The following ADORA2B variants were observed in gnomAD, a reference collection of about 807,000 sequenced individuals.
ADORA2B encodes the protein adenosine A2b receptor, also known as adenosine receptor A2b.
A neutral mutation model predicts 20.8 loss-of-function variants in ADORA2B; 18 were observed. The observed-to-expected ratio is 0.87, with a 90% CI of 0.60 to 1.29. The LOEUF (loss-of-function observed/expected upper bound fraction) is 1.29. Ranked by LOEUF, ADORA2B falls within the 50% of genes most tolerant of loss-of-function variation. The pLI is 0.00. For synonymous variants in ADORA2B, 179 were observed against 178.3 expected, an observed-to-expected ratio of 1.00 and a Z score of -0.03; for missense variants, 441 against 422.7, an observed-to-expected ratio of 1.04 and a Z score of -0.38.
At chr17:15,885,741 G>A in the ADORA2B span, among the ~76,000 whole-genome samples, 4 of 151,626 alleles carry the variant, frequency 2.6e-5, no homozygotes, top group Admixed American at 6.6e-5. Flanking sequence ...AAAAACCTCT[G>A]CAGAAATGTG....
chr17:15,860,139 C>A, the ADORA2B span, among the ~76,000 whole-genome samples: 1 of 152,154 alleles, frequency 6.6e-6, no homozygotes, highest in East Asian at 1.9e-4. Flanking sequence ...CTTGCTCAAT[C>A]GATCACGACC....
chr17:15,878,302 G>A, the ADORA2B span, among the ~76,000 whole-genome samples: 1 of 151,922 alleles, frequency 6.6e-6, no homozygotes, highest in Non-Finnish European at 1.5e-5. Flanking sequence ...CTACCTGATA[G>A]TCCTAGGTAT....
chr17:15,880,241 G>T, the ADORA2B span, among the ~76,000 whole-genome samples: 2 of 135,776 alleles, frequency 1.5e-5, no homozygotes, highest in African/African-American at 2.9e-5. Context: ...TGTGTAAAAA[G>T]CTTTGATTTC....
chr17:15,895,071 T>G, the ADORA2B span, among the ~76,000 whole-genome samples: 1 of 152,260 alleles, frequency 6.6e-6, no homozygotes, highest in Admixed American at 6.5e-5. Context: ...ACAAAATTCC[T>G]CTTCTTGGGC....
At chr17:15,895,808 A>C in the ADORA2B span, among the ~76,000 whole-genome samples, 1 of 152,146 alleles carries the variant, frequency 6.6e-6, no homozygotes, top group African/African-American at 2.4e-5. Flanking sequence ...AAGCAAAGAG[A>C]GGGAGGACTG....
At chr17:15,856,305 A>G in the ADORA2B span, among the ~76,000 whole-genome samples, 3 of 151,464 alleles carry the variant, frequency 2.0e-5, no homozygotes, top group African/African-American at 7.3e-5. Context: ...GAAGGTGCCT[A>G]TTTCCCTTTC....
At chr17:15,863,491 G>A in the ADORA2B span, among the ~76,000 whole-genome samples, 91 of 152,202 alleles carry the variant, frequency 6.0e-4, no homozygotes, top group East Asian at 0.017. Context: ...GACTACAGGT[G>A]TGCGCTACCA....
chr17:15,974,781 TAA>T lies in ADORA2B; in HGVS notation c.440_441del (p.Lys147ArgfsTer17). ...TGACTCCATTCCTGGGGTGGAACAG[TAA>T]AGACAGTGCCACCAACAACTGCACA... ...GLTPFLGWNS[K>X]DSATNNCTEP... On this transcript the variant is annotated frameshift_variant, in exon 2 of 2. Transcript: ENST00000304222. LOFTEE classifies it high-confidence loss of function. 1 of 1,613,794 alleles carries T rather than the reference TAA, an allele frequency of 6.2e-7. No homozygotes were observed. The highest frequency in any genetic ancestry group is 1.1e-5 in the South Asian group (1 of 91,054).
chr17:15,966,870 C>T (rs576628277), intron 1 of ADORA2B, among the ~76,000 whole-genome samples: 113 of 152,352 alleles, frequency 7.4e-4, no homozygotes, highest in Non-Finnish European at 4.4e-4. Flanking sequence ...ACATTTGGGG[C>T]GGTTGTCCTG....
chr17:15,876,574 C>T, the ADORA2B span, among the ~76,000 whole-genome samples: 4 of 151,336 alleles, frequency 2.6e-5, no homozygotes, highest in Non-Finnish European at 5.9e-5. Context: ...TCTGGAACTC[C>T]CTTTACCCTG....
chr17:15,973,839 G>A (rs747338544), intron 1 of ADORA2B: 1 of 152,224 alleles, frequency 6.6e-6, no homozygotes, highest in African/African-American at 2.4e-5. Context: ...TTTGGAAACT[G>A]TGACTTGAAG....
chr17:15,933,216 A>G, the ADORA2B span, among the ~76,000 whole-genome samples: 1 of 152,046 alleles, frequency 6.6e-6, no homozygotes, highest in Non-Finnish European at 1.5e-5. Flanking sequence ...CAGCCTCCCA[A>G]AGTGTTGGGA....
the ADORA2B span, among the ~76,000 whole-genome samples, chr17:15,934,370 T>G: frequency 6.6e-6 from 1 of 151,970 alleles, no homozygotes; most frequent in East Asian, 1.9e-4. Context: ...GGACTACAGG[T>G]GCATGCCACT....
intron 1 of ADORA2B, among the ~76,000 whole-genome samples, chr17:15,957,793 C>T (rs137968002): frequency 9.9e-5 from 15 of 152,122 alleles, no homozygotes; most frequent in Admixed American, 2.6e-4. Flanking sequence ...TCCTCCCACC[C>T]GTCTCCGCCC....
intron 1 of ADORA2B, among the ~76,000 whole-genome samples, chr17:15,950,156 CG>C (rs1284211487): frequency 1.3e-5 from 2 of 152,176 alleles, no homozygotes; most frequent in South Asian, 2.1e-4. Flanking sequence ...ATTATCTGGG[CG>C]GCCTCTTAAT....
intron 1 of ADORA2B, among the ~76,000 whole-genome samples, chr17:15,953,674 A>C (rs1235154626): frequency 1.3e-5 from 2 of 152,256 alleles, no homozygotes; most frequent in Non-Finnish European, 2.9e-5. Context: ...ACTGTCAAGA[A>C]AAACAAGGAA....
chr17:15,900,611 T>C, the ADORA2B span, among the ~76,000 whole-genome samples: 1 of 151,836 alleles, frequency 6.6e-6, no homozygotes, highest in African/African-American at 2.4e-5. Flanking sequence ...CATGCCCAGC[T>C]AATTAAAAAA....
At chr17:15,928,099 C>T in the ADORA2B span, among the ~76,000 whole-genome samples, 1 of 152,152 alleles carries the variant, frequency 6.6e-6, no homozygotes, top group Non-Finnish European at 1.5e-5. Context: ...TGAGCCACCA[C>T]GCCCGGCCGA....
At chr17:15,877,992 G>C in the ADORA2B span, among the ~76,000 whole-genome samples, 1 of 152,202 alleles carries the variant, frequency 6.6e-6, no homozygotes, top group East Asian at 1.9e-4. Flanking sequence ...GTCAGTTAAT[G>C]CTTTTGGGGG....
Sources: gnomAD v4.1 joint callset for allele counts (sites outside exome capture counted in the v4.1 genomes callset) on GRCh38, gnomAD v4.1.1 for gene constraint, MANE v1.5 for transcripts, NCBI Gene and HGNC (gene_info 2026-07-23, HGNC 2026-07-21) for gene names.